The following PIEZO2 variants were observed in gnomAD, a reference collection of about 807,000 sequenced individuals.
PIEZO2 encodes the protein piezo type mechanosensitive ion channel component 2.
PIEZO2 carries 172 observed loss-of-function variants against 337.3 expected under a neutral mutation model. The ratio of observed to expected loss-of-function variants is 0.51; its 90% CI spans 0.45 to 0.58. The LOEUF is 0.58. Among genes scored for constraint, PIEZO2 ranks in the 20% least tolerant of loss-of-function variants. The probability of loss-of-function intolerance (pLI) is 0.00; values close to 1 mark genes in which losing one functional copy is unlikely to be tolerated. For synonymous variants in PIEZO2, 1,251 were observed against 1,228.5 expected (o/e 1.02, Z -0.38); for missense variants, 3,028 against 3,391.3 (o/e 0.89, Z 2.66).
chr18:10,720,464 T>G (rs1598398604), intron 36 of PIEZO2, among the ~76,000 whole-genome samples: 1 of 75,196 alleles, frequency 1.3e-5, no homozygotes, highest in East Asian at 3.3e-4. Flanking sequence ...TATATATATA[T>G]ATATATATAT....
intron 2 of PIEZO2, among the ~76,000 whole-genome samples, chr18:11,013,061 T>C (rs2035960612): frequency 6.6e-6 from 1 of 152,188 alleles, no homozygotes; most frequent in South Asian, 2.1e-4. Flanking sequence ...AAGTTATTTA[T>C]TCTAAAATTT....
chr18:10,745,671 CCT>C (rs761493309), intron 30 of PIEZO2, among the ~76,000 whole-genome samples: 18 of 152,252 alleles, frequency 1.2e-4, no homozygotes, highest in African/African-American at 3.9e-4. Flanking sequence ...TTTTTTACAA[CCT>C]CTTTCTTTGC....
chr18:10,718,831 T>G (rs919622940), intron 36 of PIEZO2, among the ~76,000 whole-genome samples: 1 of 151,578 alleles, frequency 6.6e-6, no homozygotes, highest in Non-Finnish European at 1.5e-5. Flanking sequence ...GGGCAACATA[T>G]AGAAAATCAA....
chr18:11,018,811 C>T (rs2036214286), intron 2 of PIEZO2, among the ~76,000 whole-genome samples: 2 of 152,094 alleles, frequency 1.3e-5, no homozygotes, highest in African/African-American at 4.8e-5. Flanking sequence ...CACTCATACC[C>T]ACATATCTTT....
rs924100286 is a variant in PIEZO2, at chr18:10,988,709, G to A, written c.161-9049C>T. Reference sequence around the variant, plus strand: ...GTCCACTGAAGGAATATTGGATAAGGAAATTGTGGCATATACATACATAGA... The same window carrying A: ...GTCCACTGAAGGAATATTGGATAAGAAAATTGTGGCATATACATACATAGA... On this transcript the variant is annotated intron_variant, in intron 2 of 55. Transcript: ENST00000674853. This position sits in a 1 kb window ranked among gnomAD's most constrained non-coding sequence, Gnocchi z 4.8. Among the ~76,000 whole-genome samples the A allele has an allele frequency of 6.6e-6, 1 of 152,128 alleles. No homozygotes were observed. Among genetic ancestry groups the A allele is most frequent in the Non-Finnish European group, 1.5e-5 (1 of 68,014 alleles).
intron 35 of PIEZO2, among the ~76,000 whole-genome samples, chr18:10,732,599 C>T (rs1044367696): frequency 2.6e-5 from 4 of 152,076 alleles, no homozygotes; most frequent in Admixed American, 1.3e-4. Flanking sequence ...CTGAATTTCA[C>T]GAGAAATTAA....
chr18:11,114,296 G>C (rs1472346975), intron 1 of PIEZO2, among the ~76,000 whole-genome samples: 1 of 152,194 alleles, frequency 6.6e-6, no homozygotes, highest in Non-Finnish European at 1.5e-5. Context: ...GACACTGTTT[G>C]TCTTACAATA....
At chr18:10,832,069 G>A (rs1219451725) in intron 7 of PIEZO2, among the ~76,000 whole-genome samples, 6 of 152,096 alleles carry the variant, frequency 3.9e-5, no homozygotes, top group Admixed American at 3.9e-4. Flanking sequence ...AGGCTGAGGT[G>A]GGAGGATCAC....
At chr18:10,968,089 A>T (rs995844457) in intron 3 of PIEZO2, among the ~76,000 whole-genome samples, 13 of 152,170 alleles carry the variant, frequency 8.5e-5, no homozygotes, top group Middle Eastern at 3.4e-3. Context: ...CAGGTCTTAG[A>T]TTTAAGTCTT....
At chr18:10,920,574 T>G (rs1157460261) in intron 3 of PIEZO2, among the ~76,000 whole-genome samples, 3 of 152,198 alleles carry the variant, frequency 2.0e-5, no homozygotes, top group Non-Finnish European at 4.4e-5. Flanking sequence ...GGAAATATAG[T>G]CAACATGCTG....
chr18:10,753,422 G>A (rs1443957191), intron 27 of PIEZO2, among the ~76,000 whole-genome samples: 2 of 152,200 alleles, frequency 1.3e-5, no homozygotes, highest in African/African-American at 4.8e-5. Flanking sequence ...GGATGAGTCA[G>A]GATTCCCTTT....
chr18:10,874,083 A>G (rs1304358180), intron 4 of PIEZO2, among the ~76,000 whole-genome samples: 1 of 152,176 alleles, frequency 6.6e-6, no homozygotes, highest in East Asian at 1.9e-4. Flanking sequence ...GAAAGGAATT[A>G]ATAATCGGAA....
In PIEZO2 at chr18:10,859,423, C is replaced by T. The variant is rs547120480; in HGVS notation, c.493-2212G>A. Among the ~76,000 whole-genome samples the T allele has an allele frequency of 1.2e-3, 189 of 152,318 alleles. No individual in the cohort carries two copies. The highest frequency in any genetic ancestry group is 4.1e-3 in the African/African-American group (170 of 41,570). On this transcript the variant is annotated intron_variant, in intron 5 of 55. Coordinates refer to ENST00000674853, the MANE Select transcript of PIEZO2 (RefSeq NM_001378183.1). The surrounding 1 kb of genome is among the most constrained non-coding windows in gnomAD (Gnocchi z 4.9). ...TCACCTGCAGCTGGCCTGCCACGCA[C>T]GCACTCTGCCCTCCTCCTGTAACAA...
chr18:10,995,543 A>G (rs1056401484), intron 2 of PIEZO2, among the ~76,000 whole-genome samples: 6 of 152,208 alleles, frequency 3.9e-5, no homozygotes, highest in Non-Finnish European at 7.3e-5. Flanking sequence ...GAGTGAGGAG[A>G]GGAAATTCTG....
At position 11,105,085 on chromosome 18, in the gene PIEZO2, G is replaced by C. The variant is rs1304320977; in HGVS notation, c.65-38863C>G. On this transcript the variant is annotated intron_variant, in intron 1 of 55. Transcript: ENST00000674853. This position sits in a 1 kb window ranked among gnomAD's most constrained non-coding sequence, Gnocchi z 4.3. The stretch of plus-strand genomic sequence containing the variant: ...GGCAAAGAACAGCTTGACTAAGCAC[G>C]ACACCACCACAGAAGAAAACATAGC... Among the ~76,000 whole-genome samples, 1 of 152,208 alleles carries C rather than the reference G, an allele frequency of 6.6e-6. No homozygotes were observed. The highest frequency in any genetic ancestry group is 1.5e-5 in the Non-Finnish European group (1 of 68,030).
intron 4 of PIEZO2, among the ~76,000 whole-genome samples, chr18:10,897,644 T>C (rs976399653): frequency 6.6e-6 from 1 of 152,206 alleles, no homozygotes; most frequent in African/African-American, 2.4e-5. Flanking sequence ...TCTTTCTTTA[T>C]AAATTACCCA....
rs2038794355 is a variant in PIEZO2 at position 10,776,554 on chromosome 18, A to G, written c.2535-2516T>C. Among the ~76,000 whole-genome samples the G allele has an allele frequency of 2.6e-5, 4 of 152,326 alleles. No individual in the cohort carries two copies. In the South Asian group the frequency reaches 8.3e-4, roughly 32 times the overall value. ...GCGCCTTCTTTAACAGAACTTGGCT[A>G]TTTTATAGAAGGCCATTCAGAAGAA... is the stretch of plus-strand genomic sequence containing the variant. On this transcript the variant is annotated intron_variant, in intron 18 of 55. Transcript: ENST00000674853.
chr18:11,146,909 G>A lies in PIEZO2; in HGVS notation c.64+1616C>T, dbSNP rs1205816056. Among the ~76,000 whole-genome samples, 1 of 152,152 alleles carries A rather than the reference G, an allele frequency of 6.6e-6. No individual in the cohort carries two copies. Among genetic ancestry groups the A allele is most frequent in the Admixed American group, 6.5e-5 (1 of 15,274 alleles). ...TAGAGGGACTGGGAGGGAGCAGAGC[G>A]GCCTTTAACCTTAGTGCCACTCCCC... On this transcript the variant is annotated intron_variant, in intron 1 of 55. Transcript: ENST00000674853. The surrounding 1 kb of genome is among the most constrained non-coding windows in gnomAD (Gnocchi z 6.1).
At chr18:10,735,159 A>G (rs1341334167) in intron 35 of PIEZO2, among the ~76,000 whole-genome samples, 73 bp downstream of exon 35, 2 of 152,176 alleles carry the variant, frequency 1.3e-5, no homozygotes, top group Admixed American at 1.3e-4. Context: ...GAGATAGGGC[A>G]ATGAAGGTAT....
Sources: allele counts gnomAD v4.1 joint callset (sites outside exome capture counted in the v4.1 genomes callset), GRCh38; gene constraint gnomAD v4.1.1; non-coding constraint Gnocchi (gnomAD v3.1); transcripts MANE v1.5; gene names NCBI Gene and HGNC (gene_info 2026-07-23, HGNC 2026-07-21).